The following DKK4 variants were observed in gnomAD, a reference collection of about 807,000 sequenced individuals.
The protein encoded by DKK4 is dickkopf Wnt signaling pathway inhibitor 4.
DKK4 carries 15 observed loss-of-function variants against 14.5 expected under a neutral mutation model. The ratio of observed to expected loss-of-function variants is 1.03; its 90% confidence interval spans 0.69 to 1.59. DKK4 has a LOEUF of 1.59. DKK4 is among the 40% of genes most tolerant of loss of function. The pLI, the probability that DKK4 is intolerant of heterozygous loss-of-function variation, is 0.00. For synonymous variants in DKK4, 89 were observed against 105.2 expected (o/e 0.85, Z 0.94); for missense variants, 272 against 280.3 (o/e 0.97, Z 0.21).
upstream of DKK4, among the ~76,000 whole-genome samples, chr8:42,380,341 A>AAGGG (rs1196250066): frequency 6.6e-6 from 1 of 150,608 alleles, no homozygotes; most frequent in Non-Finnish European, 1.5e-5. Flanking sequence ...AACAAGAAGG[A>AAGGG]AGGGAGGGAG....
At chr8:42,387,293 G>A in the DKK4 span, among the ~76,000 whole-genome samples, 4 of 146,084 alleles carry the variant, frequency 2.7e-5, no homozygotes, top group African/African-American at 1.0e-4. Context: ...AAATGAGAAT[G>A]TGAGAACGAG....
chr8:42,379,791 G>C (rs1261235669), upstream of DKK4, among the ~76,000 whole-genome samples: 3 of 152,088 alleles, frequency 2.0e-5, no homozygotes, highest in Non-Finnish European at 4.4e-5. Context: ...GAGAGATTGT[G>C]TGGCTGCGGC....
chr8:42,374,831 T>C lies in DKK4; in HGVS notation c.345A>G (p.Thr115=). 1.2e-6 allele frequency: 2 copies of C among 1,614,232 alleles called. No individual in the cohort carries two copies. The highest frequency in any genetic ancestry group is 2.2e-5 in the South Asian group (2 of 91,086). Residue 115 remains threonine, a synonymous_variant, in exon 3 of 4, where the codon ACA becomes ACG. Coordinates refer to ENST00000220812, the MANE Select transcript of DKK4 (RefSeq NM_014420.3). ...DEQDGTHAEG[T]TGHPVQENQP... ...GGTTTTCCTGGACTGGGTGCCCAGT[T>C]GTTCCTTCTGCATGTGTGCCATCTT...
At chr8:42,376,197 T>C (rs973090438) in intron 1 of DKK4, among the ~76,000 whole-genome samples, 5 of 152,224 alleles carry the variant, frequency 3.3e-5, no homozygotes, top group Non-Finnish European at 5.9e-5. Context: ...AACATACTAT[T>C]GATGTTTGTG....
At chr8:42,385,691 A>G in the DKK4 span, among the ~76,000 whole-genome samples, 2 of 152,126 alleles carry the variant, frequency 1.3e-5, no homozygotes, top group Admixed American at 6.5e-5. Flanking sequence ...TCCTGATTCC[A>G]GGAGCATTTC....
At chr8:42,375,654 AC>A in intron 2 of DKK4, 25 bp downstream of exon 2, 1 of 1,612,146 alleles carries the variant, frequency 6.2e-7, no homozygotes, top group Non-Finnish European at 8.5e-7. Context: ...CGGTTTAAAA[AC>A]CACTGTTGGC....
At chr8:42,385,058 T>C in the DKK4 span, among the ~76,000 whole-genome samples, 1 of 152,188 alleles carries the variant, frequency 6.6e-6, no homozygotes, top group Admixed American at 6.5e-5. Context: ...GGTGACAACA[T>C]TGGTTTCTCC....
chr8:42,379,529 A>T (rs1824633702), upstream of DKK4, among the ~76,000 whole-genome samples: 1 of 151,354 alleles, frequency 6.6e-6, no homozygotes, highest in Non-Finnish European at 1.5e-5. Flanking sequence ...GATGATTTCA[A>T]TGTATTATGA....
At chr8:42,379,108 G>A (rs1006157704), upstream of DKK4, among the ~76,000 whole-genome samples, 8 of 150,666 alleles carry the variant, frequency 5.3e-5, no homozygotes, top group East Asian at 3.9e-4. Context: ...AAAACTAGTC[G>A]GGCGTGGTGG....
chr8:42,383,426 C>T, the DKK4 span, among the ~76,000 whole-genome samples: 1 of 152,256 alleles, frequency 6.6e-6, no homozygotes, highest in African/African-American at 2.4e-5. Context: ...CTGCCATGGC[C>T]TCCAAGTTGC....
At chr8:42,380,269 G>A (rs987800702), upstream of DKK4, among the ~76,000 whole-genome samples, 1 of 151,944 alleles carries the variant, frequency 6.6e-6, no homozygotes, top group East Asian at 1.9e-4. Flanking sequence ...GGAGGTCAAG[G>A]CTGCATGATC....
chr8:42,383,503 T>C, the DKK4 span, among the ~76,000 whole-genome samples: 1 of 152,230 alleles, frequency 6.6e-6, no homozygotes, highest in Non-Finnish European at 1.5e-5. Flanking sequence ...AGCTGTGCAA[T>C]GTGCTGGTGC....
upstream of DKK4, among the ~76,000 whole-genome samples, chr8:42,378,421 GC>G (rs981537370): frequency 6.8e-4 from 104 of 152,228 alleles, no homozygotes; most frequent in African/African-American, 2.4e-3. Context: ...GGTGATTCGA[GC>G]CTTCCTACTA....
chr8:42,386,598 C>T, the DKK4 span, among the ~76,000 whole-genome samples: 1 of 152,124 alleles, frequency 6.6e-6, no homozygotes, highest in East Asian at 1.9e-4. Flanking sequence ...CTCAAGCGAT[C>T]CTCCCAGCCC....
rs762181873 is a variant in DKK4, at chr8:42,374,197, C to T, written c.578G>A (p.Arg193His). The T allele has an allele frequency of 1.9e-5, 30 of 1,613,052 alleles. No homozygotes were observed. Among genetic ancestry groups the T allele is most frequent in the Middle Eastern group, 1.7e-4 (1 of 5,876 alleles). ...CAGTAGTCCAGGGCCACAGTCGCAA[C>T]GCTGGAAGATTTCTGGAGCTTGAGC... ...DTAQAPEIFQ[R>H]CDCGPGLLCR... Residue 193 changes from arginine to histidine, a missense_variant, in exon 4 of 4, where the codon CGT (arginine) becomes CAT (histidine). Arg to His is a conservative substitution (Grantham distance 29). Transcript: ENST00000220812.
At chr8:42,387,344 CTTTTTTTTTTTTTT>C in the DKK4 span, among the ~76,000 whole-genome samples, 2 of 44,886 alleles carry the variant, frequency 4.5e-5, no homozygotes, top group East Asian at 6.5e-4. Flanking sequence ...GAAGGCCAGT[CTTTTTTTTTTTTTT>C]TTTTTTTTTT....
the DKK4 span, among the ~76,000 whole-genome samples, chr8:42,388,431 T>C: frequency 2.0e-5 from 3 of 151,928 alleles, no homozygotes; most frequent in Non-Finnish European, 4.4e-5. Flanking sequence ...GGTTTCACCA[T>C]GTTGGCCAGG....
the DKK4 span, among the ~76,000 whole-genome samples, chr8:42,389,150 C>A: frequency 6.6e-6 from 1 of 152,140 alleles, no homozygotes; most frequent in East Asian, 1.9e-4. Flanking sequence ...CAACATATTG[C>A]CTAGGCTTGT....
chr8:42,376,809 A>C (rs1824572858), intron 1 of DKK4, 126 bp downstream of exon 1: 3 of 769,890 alleles, frequency 3.9e-6, no homozygotes, highest in Non-Finnish European at 6.3e-6. Flanking sequence ...CCAAATCCGA[A>C]ACCAATTCAA....
Sources: allele counts gnomAD v4.1 joint callset (sites outside exome capture counted in the v4.1 genomes callset), GRCh38; gene constraint gnomAD v4.1.1; transcripts MANE v1.5; gene names NCBI Gene and HGNC (gene_info 2026-07-23, HGNC 2026-07-21).